The following DOP1B variants were observed in gnomAD, a reference collection of about 807,000 sequenced individuals.
DOP1B encodes the protein protein DOP1B.
A neutral mutation model predicts 233.5 loss-of-function variants in DOP1B; 174 were observed. The observed-to-expected ratio is 0.75, with a 90% CI of 0.66 to 0.85. The LOEUF (loss-of-function observed/expected upper bound fraction) is 0.85, where lower values mean the gene tolerates loss of function less well. Ranked by LOEUF, DOP1B falls within the 40% of genes least tolerant of loss-of-function variation. The probability of loss-of-function intolerance (pLI) is 0.00; values close to 1 mark genes in which losing one functional copy is unlikely to be tolerated. For missense variants in DOP1B, 2,652 were observed against 2,846.6 expected, an observed-to-expected ratio of 0.93 and a Z score of 1.56; for synonymous variants, 1,190 against 1,185.6, an observed-to-expected ratio of 1.00 and a Z score of -0.08.
intron 13 of DOP1B, among the ~76,000 whole-genome samples, chr21:36,229,223 T>G (rs2066729567): frequency 6.6e-6 from 1 of 152,176 alleles, no homozygotes; most frequent in South Asian, 2.1e-4. Context: ...ACAGACTGGG[T>G]GGCTTCCACA....
intron 1 of DOP1B, among the ~76,000 whole-genome samples, chr21:36,160,285 C>A (rs1399479578): frequency 1.3e-5 from 2 of 152,024 alleles, no homozygotes; most frequent in Non-Finnish European, 2.9e-5. Context: ...AAGGGACAGG[C>A]CTTCCCAGGA....
intron 11 of DOP1B, 46 bp downstream of exon 11, chr21:36,223,396 G>C (rs753254076): frequency 1.6e-5 from 25 of 1,579,296 alleles, no homozygotes; most frequent in Non-Finnish European, 2.1e-5. Context: ...AAGGATGAGA[G>C]GGTTTAATAA....
intron 32 of DOP1B, among the ~76,000 whole-genome samples, chr21:36,287,471 C>T (rs756890643): frequency 6.6e-6 from 1 of 151,506 alleles, no homozygotes; most frequent in Non-Finnish European, 1.5e-5. Context: ...GGCAGGGGGA[C>T]GGCCTGTGGG....
At chr21:36,289,917 G>A (rs2067537047) in intron 35 of DOP1B, among the ~76,000 whole-genome samples, 1 of 152,184 alleles carries the variant, frequency 6.6e-6, no homozygotes, top group African/African-American at 2.4e-5. Context: ...AATGGGTGAA[G>A]CACAGAGGAT....
chr21:36,291,612 T>G (rs376090949), intron 35 of DOP1B, among the ~76,000 whole-genome samples: 81 of 152,260 alleles, frequency 5.3e-4, no homozygotes, highest in African/African-American at 1.8e-3. Context: ...CAACATTATT[T>G]ATAATAGGCA....
intron 8 of DOP1B, 64 bp from the exon 9 acceptor site, chr21:36,214,378 C>A: frequency 6.7e-7 from 1 of 1,488,448 alleles, no homozygotes. Context: ...ATTAGAATAG[C>A]CAGTAATGTT....
chr21:36,235,253 C>CT (rs1002196666), intron 15 of DOP1B, among the ~76,000 whole-genome samples: 15 of 152,106 alleles, frequency 9.9e-5, no homozygotes, highest in Non-Finnish European at 2.1e-4. Context: ...ATCTTTCAGC[C>CT]TTTTTTTAAT....
At position 36,237,372 on chromosome 21, in the gene DOP1B, C is replaced by T; in HGVS notation, c.2733C>T (p.Ile911=). The T allele has an allele frequency of 6.2e-7, 1 of 1,614,224 alleles. No individual in the cohort carries two copies. Among genetic ancestry groups the T allele is most frequent in the Non-Finnish European group, 8.5e-7 (1 of 1,180,050 alleles). Residue 911 remains isoleucine (I), a synonymous_variant, in exon 16 of 37, where the codon ATC becomes ATT. Coordinates refer to ENST00000691173, the MANE Select transcript of DOP1B (RefSeq NM_001320714.2). ...RLHCLAPTAN[I]CEDIICHALL... is the part of the protein sequence containing the mutation. ...ACTGCCTGGCCCCTACGGCCAACAT[C>T]TGCGAGGACATCATCTGCCATGCCC...
chr21:36,162,916 T>A (rs2065880742), intron 1 of DOP1B, among the ~76,000 whole-genome samples: 1 of 151,970 alleles, frequency 6.6e-6, no homozygotes, highest in African/African-American at 2.4e-5. Context: ...GGAAACAAGC[T>A]CTGGTGCTGG....
intron 5 of DOP1B, among the ~76,000 whole-genome samples, chr21:36,210,289 A>T (rs1215693085): frequency 1.3e-5 from 2 of 151,932 alleles, no homozygotes; most frequent in Non-Finnish European, 2.9e-5. Flanking sequence ...CAGGTGAATC[A>T]CTTGAGGTCA....
At chr21:36,253,985 A>C in intron 23 of DOP1B, 76 bp downstream of exon 23, 1 of 1,524,880 alleles carries the variant, frequency 6.6e-7, no homozygotes, top group Non-Finnish European at 8.9e-7. Flanking sequence ...TTCCTTATAA[A>C]TCGTGTTTGG....
intron 2 of DOP1B, among the ~76,000 whole-genome samples, 155 bp downstream of exon 2, chr21:36,165,026 T>C (rs1449826840): frequency 6.6e-6 from 1 of 152,026 alleles, no homozygotes; most frequent in Non-Finnish European, 1.5e-5. Context: ...TTCAAGGAAA[T>C]ACCATTATAT....
intron 21 of DOP1B, among the ~76,000 whole-genome samples, chr21:36,249,419 C>A (rs2067008116): frequency 6.6e-6 from 1 of 152,176 alleles, no homozygotes; most frequent in African/African-American, 2.4e-5. Flanking sequence ...CAGAGTGAGA[C>A]CCTGTCTCAA....
chr21:36,169,442 C>T, intron 2 of DOP1B: 1 of 1,049,284 alleles, frequency 9.5e-7, no homozygotes, highest in Non-Finnish European at 1.5e-6. Context: ...CTTGCACAGG[C>T]CTCGGTGGGT....
intron 3 of DOP1B, 57 bp downstream of exon 3, chr21:36,199,308 C>T: frequency 1.3e-6 from 2 of 1,556,480 alleles, no homozygotes; most frequent in Non-Finnish European, 1.7e-6. Flanking sequence ...GGTATTTCAG[C>T]TCACAAGATG....
At chr21:36,211,155 T>C (rs2066492535) in intron 5 of DOP1B, among the ~76,000 whole-genome samples, 1 of 152,260 alleles carries the variant, frequency 6.6e-6, no homozygotes, top group African/African-American at 2.4e-5. Flanking sequence ...TAATTTCTTA[T>C]GCATCTCTAG....
chr21:36,232,966 A>G lies in DOP1B; in HGVS notation c.2513A>G (p.Tyr838Cys), dbSNP rs142303619. Residue 838 changes from tyrosine (Y) to cysteine (C), a missense_variant, in exon 15 of 37, where the codon TAT becomes TGT. Transcript: ENST00000691173. ...ALVIEDKMKR[Y>C]KSSGHNPFFG... Reference sequence around the variant, plus strand: ...GTCATTGAAGACAAGATGAAACGCTATAAGAGCTCTGGACACAACCCTTTT... The same window carrying G: ...GTCATTGAAGACAAGATGAAACGCTGTAAGAGCTCTGGACACAACCCTTTT... 10,901 of 1,614,144 alleles carry G rather than the reference A, an allele frequency of 6.8e-3. 70 individuals carry two copies. Among genetic ancestry groups the G allele is most frequent in the Non-Finnish European group, 7.1e-3 (8,395 of 1,180,046 alleles).
chr21:36,172,802 T>C (rs1358623778), intron 2 of DOP1B, among the ~76,000 whole-genome samples: 4 of 151,936 alleles, frequency 2.6e-5, no homozygotes, highest in Non-Finnish European at 5.9e-5. Context: ...CTTGGACTTA[T>C]GCACAGAAAT....
At chr21:36,260,629 C>CCTTA in intron 23 of DOP1B, 48 bp from the exon 24 acceptor site, 1 of 1,611,004 alleles carries the variant, frequency 6.2e-7, no homozygotes, top group Non-Finnish European at 8.5e-7. Context: ...ATTCTTTTAG[C>CCTTA]CTTATTTCCC....
Sources: gnomAD v4.1 joint callset for allele counts (sites outside exome capture counted in the v4.1 genomes callset) on GRCh38, gnomAD v4.1.1 for gene constraint, MANE v1.5 for transcripts, NCBI Gene and HGNC (gene_info 2026-07-23, HGNC 2026-07-21) for gene names.